DIS3L2: variants seen among roughly 807,000 people sequenced by gnomAD.
DIS3L2 encodes the protein DIS3-like exonuclease 2.
A neutral mutation model predicts 97.5 loss-of-function variants in DIS3L2; 34 were observed. The observed-to-expected ratio is 0.35, with a 90% CI of 0.27 to 0.46. DIS3L2 has a LOEUF of 0.46. Among genes scored for constraint, DIS3L2 ranks in the 20% least tolerant of loss-of-function variants. DIS3L2 has a pLI of 1.00. For missense variants in DIS3L2, 1,038 were observed against 1,146.0 expected, an observed-to-expected ratio of 0.91 and a Z score of 1.36; for synonymous variants, 435 against 445.2, an observed-to-expected ratio of 0.98 and a Z score of 0.29.
chr2:232,343,719 T>C, exon 14 of DIS3L2: 1 of 875,796 alleles, frequency 1.1e-6, no homozygotes, highest in Non-Finnish European at 1.7e-6. Context: ...AAAGTCAGAG[T>C]TACGGAGCTC....
chr2:232,027,619 A>G (rs917678008), intron 4 of DIS3L2, among the ~76,000 whole-genome samples: 1 of 152,220 alleles, frequency 6.6e-6, no homozygotes, highest in Non-Finnish European at 1.5e-5. Flanking sequence ...TTGCTATGCT[A>G]AAATATCTCC....
At chr2:232,119,504 G>A (rs62197712) in intron 6 of DIS3L2, among the ~76,000 whole-genome samples, 1 of 152,194 alleles carries the variant, frequency 6.6e-6, no homozygotes, top group African/African-American at 2.4e-5. Flanking sequence ...GTTAAAGCCA[G>A]CTAGAGATGG....
intron 5 of DIS3L2, among the ~76,000 whole-genome samples, chr2:232,080,699 G>A (rs1411504007): frequency 6.6e-6 from 1 of 151,710 alleles, no homozygotes; most frequent in Non-Finnish European, 1.5e-5. Context: ...TCAGGAGTTC[G>A]AGACCAGCCT....
At chr2:231,985,728 ATCC>A (rs1311129338) in intron 1 of DIS3L2, among the ~76,000 whole-genome samples, 1 of 152,188 alleles carries the variant, frequency 6.6e-6, no homozygotes, top group Non-Finnish European at 1.5e-5. Context: ...ATTTGACTAC[ATCC>A]TTACTCCCAC....
At chr2:232,188,059 G>A (rs961118167) in intron 9 of DIS3L2, among the ~76,000 whole-genome samples, 1 of 152,086 alleles carries the variant, frequency 6.6e-6, no homozygotes, top group African/African-American at 2.4e-5. Context: ...AGAATCACTT[G>A]AACCTGGGAG....
At chr2:232,158,094 A>G (rs1690547410) in intron 8 of DIS3L2, among the ~76,000 whole-genome samples, 1 of 152,146 alleles carries the variant, frequency 6.6e-6, no homozygotes, top group African/African-American at 2.4e-5. Context: ...CTATCAGCCT[A>G]TCAGGTTGTC....
chr2:231,987,662 C>T (rs1693456153), intron 1 of DIS3L2, among the ~76,000 whole-genome samples: 1 of 152,166 alleles, frequency 6.6e-6, no homozygotes, highest in Non-Finnish European at 1.5e-5. Context: ...GCTGGAGGCC[C>T]AGCTTATTTC....
At chr2:232,069,813 A>ACACATACACACAT in intron 5 of DIS3L2, among the ~76,000 whole-genome samples, 1 of 152,162 alleles carries the variant, frequency 6.6e-6, no homozygotes, top group African/African-American at 2.4e-5. Context: ...CTGAGTTGAG[A>ACACATACACACAT]CACATACACA....
At chr2:231,963,022 GA>G (rs1692614629) in intron 1 of DIS3L2, among the ~76,000 whole-genome samples, 1 of 151,952 alleles carries the variant, frequency 6.6e-6, no homozygotes, top group Non-Finnish European at 1.5e-5. Context: ...TTGCTATTGT[GA>G]ATAGCTCAGC....
In DIS3L2 at chr2:232,329,870, C is replaced by T. The variant is rs757523875; in HGVS notation, c.1797C>T (p.Arg599=). 2.2e-5 allele frequency: 36 copies of T among 1,610,452 alleles called. No individual in the cohort carries two copies. The highest frequency in any genetic ancestry group is 5.5e-5 in the South Asian group (5 of 90,620). The change falls in exon 15 of 21, where the codon CGC becomes CGT. Residue 599 remains arginine, a synonymous_variant. Coordinates refer to ENST00000325385, the MANE Select transcript of DIS3L2 (RefSeq NM_152383.5). ...ANMAVAHKIH[R]AFPEQALLRR... is the part of the protein sequence containing the mutation. The stretch of plus-strand genomic sequence containing the variant: ...TGGCAGTGGCCCACAAGATCCACCG[C>T]GCCTTCCCCGAGCAGGCCCTGCTGC...
chr2:232,217,364 G>A (rs1297036563), intron 10 of DIS3L2, among the ~76,000 whole-genome samples: 1 of 152,208 alleles, frequency 6.6e-6, no homozygotes, highest in Non-Finnish European at 1.5e-5. Flanking sequence ...AGACTGCTAT[G>A]ACCAAATACT....
At chr2:232,020,415 G>A (rs1206335584) in intron 3 of DIS3L2, among the ~76,000 whole-genome samples, 1 of 152,164 alleles carries the variant, frequency 6.6e-6, no homozygotes, top group Admixed American at 6.6e-5. Flanking sequence ...ATGGATGGAT[G>A]TGGGGCTAGA....
chr2:232,326,089 G>T (rs2678492), intron 14 of DIS3L2, among the ~76,000 whole-genome samples: 1 of 152,312 alleles, frequency 6.6e-6, no homozygotes, highest in Admixed American at 6.5e-5. Context: ...GAGGTCAGGG[G>T]AGAGGGCCCT....
chr2:232,066,772 G>A (rs1370882135), intron 5 of DIS3L2, among the ~76,000 whole-genome samples: 2 of 151,916 alleles, frequency 1.3e-5, no homozygotes, highest in African/African-American at 4.8e-5. Flanking sequence ...TTTTAAACAT[G>A]ACCCAACATT....
intron 13 of DIS3L2, among the ~76,000 whole-genome samples, chr2:232,274,398 C>G (rs527486611): frequency 6.6e-6 from 1 of 152,208 alleles, no homozygotes; most frequent in Admixed American, 6.5e-5. Context: ...GTGAGCCAAA[C>G]AGCTACATCA....
At chr2:232,256,872 C>A (rs942563686) in intron 12 of DIS3L2, among the ~76,000 whole-genome samples, 1 of 152,038 alleles carries the variant, frequency 6.6e-6, no homozygotes, top group Non-Finnish European at 1.5e-5. Flanking sequence ...AATCTCAGCA[C>A]TTTGGGAGGC....
chr2:231,979,199 C>T (rs969504233), intron 1 of DIS3L2, among the ~76,000 whole-genome samples: 1 of 151,906 alleles, frequency 6.6e-6, no homozygotes, highest in African/African-American at 2.4e-5. Context: ...AATTTTACTT[C>T]CAACATTTAG....
rs961880235 is a variant in DIS3L2, at chr2:232,281,611, G to A, written c.1659+18171G>A. On this transcript the variant is annotated intron_variant, in intron 13 of 20. Transcript: ENST00000325385. This position sits in a 1 kb window ranked among gnomAD's most constrained non-coding sequence, Gnocchi z 4.1. ...TGCAGGTGAGGCCACACAGCTGACA[G>A]GAGGGAACAGATGAGAGAAGTGGAA... Among the ~76,000 whole-genome samples the A allele has an allele frequency of 2.6e-5, 4 of 152,174 alleles. No homozygotes were observed. The highest frequency in any genetic ancestry group is 5.9e-5 in the Non-Finnish European group (4 of 68,032).
chr2:232,030,851 C>A lies in DIS3L2; in HGVS notation c.366+771C>A, dbSNP rs140715472. ...GAATTTGGTGTCTTCTTCAATAATACGTGTTATAGATGTATCTAAGTCTGA... is the reference window on the plus strand; with the variant it reads ...GAATTTGGTGTCTTCTTCAATAATAAGTGTTATAGATGTATCTAAGTCTGA... On this transcript the variant is annotated intron_variant, in intron 5 of 20. Coordinates refer to ENST00000325385, the MANE Select transcript of DIS3L2 (RefSeq NM_152383.5). Among the ~76,000 whole-genome samples the A allele has an allele frequency of 4.2e-3, 634 of 151,606 alleles. 5 individuals are homozygous for A. Among genetic ancestry groups the A allele is most frequent in the Admixed American group, 0.025 (379 of 15,226 alleles).
Sources: allele counts gnomAD v4.1 joint callset (sites outside exome capture counted in the v4.1 genomes callset), GRCh38; gene constraint gnomAD v4.1.1; non-coding constraint Gnocchi (gnomAD v3.1); transcripts MANE v1.5; gene names NCBI Gene and HGNC (gene_info 2026-07-23, HGNC 2026-07-21).